The following CUX1 variants were observed in gnomAD, a reference collection of about 807,000 sequenced individuals.
CUX1 encodes cut like homeobox 1, also known as protein CASP.
In CUX1, 31 loss-of-function variants were observed where a neutral mutation model predicts 158.8. That is an observed-to-expected ratio of 0.20 (90% CI 0.15 to 0.26). CUX1 has a LOEUF of 0.26. CUX1 is among the 10% of genes least tolerant of loss of function. CUX1 has a pLI of 1.00. For synonymous variants in CUX1, 879 were observed against 862.1 expected (o/e 1.02, Z -0.34); for missense variants, 1,589 against 2,014.6 (o/e 0.79, Z 4.04).
At chr7:102,112,988 G>T (rs1205731601) in intron 7 of CUX1, among the ~76,000 whole-genome samples, 1 of 152,032 alleles carries the variant, frequency 6.6e-6, no homozygotes, top group East Asian at 1.9e-4. Flanking sequence ...TGACGAGAGT[G>T]GGAGAAAATA....
At position 102,248,541 on chromosome 7, in the gene CUX1, C is replaced by T. The variant is rs13233791; in HGVS notation, c.4017C>T (p.Asp1339=). ...AAPSSEGDSC[D]GVEATEGPGS... is the part of the protein sequence containing the mutation. Reference sequence around the variant, plus strand: ...CCAGCTCGGAGGGCGACAGCTGCGACGGCGTGGAGGCCACTGAGGGCCCAG... The same window carrying T: ...CCAGCTCGGAGGGCGACAGCTGCGATGGCGTGGAGGCCACTGAGGGCCCAG... Residue 1339 remains aspartate, a synonymous_variant, in exon 24 of 24, where the codon GAC becomes GAT. Transcript: ENST00000292535. This position sits in a 1 kb window ranked among gnomAD's most constrained non-coding sequence, Gnocchi z 5.8. 42 of 1,510,308 alleles carry T rather than the reference C, an allele frequency of 2.8e-5. No individual in the cohort carries two copies. Among genetic ancestry groups the T allele is most frequent in the Non-Finnish European group, 3.5e-5 (40 of 1,133,062 alleles). The allele number at this position is 1,510,308 out of a possible 1,614,324, so 93.6% of individuals were successfully genotyped here. A position where few individuals can be genotyped will look rare whatever the true frequency, so the allele number is the denominator to read the frequency against.
chr7:101,938,261 T>A (rs1789199901), intron 2 of CUX1, among the ~76,000 whole-genome samples: 1 of 152,072 alleles, frequency 6.6e-6, no homozygotes, highest in African/African-American at 2.4e-5. Flanking sequence ...CACAGGCGTG[T>A]GCCACCACAC....
At chr7:102,036,790 C>G (rs1821479512) in intron 3 of CUX1, among the ~76,000 whole-genome samples, 1 of 151,318 alleles carries the variant, frequency 6.6e-6, no homozygotes, top group Non-Finnish European at 1.5e-5. Context: ...CGGAATCTGG[C>G]CTATGCATAT....
intron 18 of CUX1, among the ~76,000 whole-genome samples, chr7:102,202,447 G>A (rs1306993920): frequency 2.0e-5 from 3 of 152,052 alleles, no homozygotes; most frequent in Non-Finnish European, 4.4e-5. Context: ...CTGCCCTTTC[G>A]ACCCCTCACT....
intron 2 of CUX1, among the ~76,000 whole-genome samples, chr7:102,009,429 G>A (rs1817744251): frequency 1.3e-5 from 2 of 152,304 alleles, no homozygotes; most frequent in Admixed American, 6.5e-5. Context: ...TTCTAAGAAG[G>A]CCAAAGAAAT....
At chr7:102,221,589 G>T (rs1027262927) in intron 20 of CUX1, among the ~76,000 whole-genome samples, 2 of 151,560 alleles carry the variant, frequency 1.3e-5, no homozygotes, top group African/African-American at 4.9e-5. Context: ...GGCAGCTGTT[G>T]TTTGCCTGCT....
At chr7:102,113,458 G>A (rs782335907) in intron 7 of CUX1, among the ~76,000 whole-genome samples, 2 of 151,958 alleles carry the variant, frequency 1.3e-5, no homozygotes, top group Non-Finnish European at 2.9e-5. Context: ...GTTTCGCCAT[G>A]TTGGCCAAGC....
chr7:102,197,157 T>A lies in CUX1; in HGVS notation c.1746T>A (p.Ser582=), dbSNP rs1554518626. ...RIFGHYVLGL[S]QGSVSEILAR... Reference sequence around the variant, plus strand: ...TCGGACATTATGTGTTGGGACTGTCTCAAGGGTCCGTGAGCGAGATTCTGG... The same window carrying A: ...TCGGACATTATGTGTTGGGACTGTCACAAGGGTCCGTGAGCGAGATTCTGG... Residue 582 remains serine (S), a synonymous_variant, in exon 15 of 24, where the codon TCT becomes TCA. Transcript: ENST00000292535. The A allele has an allele frequency of 1.2e-6, 2 of 1,614,210 alleles. No individual in the cohort carries two copies. Among genetic ancestry groups the A allele is most frequent in the Non-Finnish European group, 1.7e-6 (2 of 1,180,036 alleles).
chr7:102,143,511 G>A (rs1292499025), intron 8 of CUX1, among the ~76,000 whole-genome samples: 3 of 151,938 alleles, frequency 2.0e-5, no homozygotes, highest in Non-Finnish European at 4.4e-5. Context: ...GGGCTCAAGC[G>A]ATCCTCCCAC....
chr7:102,128,683 T>C (rs1311239467), intron 8 of CUX1, among the ~76,000 whole-genome samples: 3 of 151,808 alleles, frequency 2.0e-5, no homozygotes, highest in Non-Finnish European at 4.4e-5. Context: ...ACCTTAGTAT[T>C]TTCATAAGTG....
intron 2 of CUX1, among the ~76,000 whole-genome samples, chr7:101,958,940 G>A (rs187069037): frequency 2.3e-5 from 3 of 131,696 alleles, no homozygotes; most frequent in East Asian, 4.8e-4. Flanking sequence ...CTGCAGCCTC[G>A]ACCTCCCTGG....
At position 102,255,385 on chromosome 7, in the gene CUX1, C is replaced by CAA. The variant is rs58082112; in HGVS notation, c.*6355_*6356dup. 71,785 of 748,882 alleles carry CAA rather than the reference C, an allele frequency of 0.096. 184 individuals are homozygous for CAA. Among genetic ancestry groups the CAA allele is most frequent in the Middle Eastern group, 0.13 (187 of 1,484 alleles). 46.4% of individuals were successfully genotyped at this position (748,882 alleles called of 1,614,324 possible). On this transcript the variant is annotated 3_prime_UTR_variant, in exon 24 of 24. Transcript: ENST00000292535. ...GTTGGGCATTGTAGGCGAAAAATCCCAAAAAAAAAAAAAGACAAAAAAAAA... is the reference window on the plus strand; with the variant it reads ...GTTGGGCATTGTAGGCGAAAAATCCCAAAAAAAAAAAAAAAGACAAAAAAAAA...
intron 2 of CUX1, among the ~76,000 whole-genome samples, chr7:101,926,820 G>A (rs1429748803): frequency 6.6e-6 from 1 of 152,106 alleles, no homozygotes; most frequent in East Asian, 1.9e-4. Context: ...GAATTCAGAT[G>A]CACAGAGCAT....
chr7:101,993,023 TTGCCTTTA>T (rs1815353463), intron 2 of CUX1, among the ~76,000 whole-genome samples: 1 of 152,102 alleles, frequency 6.6e-6, no homozygotes, highest in Non-Finnish European at 1.5e-5. Context: ...GGTCCACTCT[TTGCCTTTA>T]TAAAAAGAAG....
chr7:102,113,236 A>T (rs1026958303), intron 7 of CUX1, among the ~76,000 whole-genome samples: 2 of 152,002 alleles, frequency 1.3e-5, no homozygotes, highest in South Asian at 2.1e-4. Flanking sequence ...GCATTTTTTA[A>T]TTATTTATTT....
At chr7:102,076,852 G>A (rs925866248) in intron 4 of CUX1, among the ~76,000 whole-genome samples, 1 of 151,408 alleles carries the variant, frequency 6.6e-6, no homozygotes, top group Non-Finnish European at 1.5e-5. Context: ...TGGGCAACAC[G>A]GTAAAACCCC....
chr7:101,923,772 C>T (rs908897651), intron 2 of CUX1, among the ~76,000 whole-genome samples: 3 of 152,218 alleles, frequency 2.0e-5, no homozygotes, highest in African/African-American at 7.2e-5. Context: ...TTGGCTGCGG[C>T]GGCAGCCCTG....
chr7:102,108,657 A>G (rs1377905455), intron 6 of CUX1, among the ~76,000 whole-genome samples: 1 of 152,076 alleles, frequency 6.6e-6, no homozygotes, highest in Non-Finnish European at 1.5e-5. Flanking sequence ...CAAATTAGGT[A>G]AAGGGATTAG....
At chr7:101,934,674 C>G (rs1023657150) in intron 2 of CUX1, among the ~76,000 whole-genome samples, 3 of 152,134 alleles carry the variant, frequency 2.0e-5, no homozygotes, top group Non-Finnish European at 4.4e-5. Flanking sequence ...CTTCCTCCTT[C>G]CCAGTTTCTG....
Sources: gnomAD v4.1 joint callset for allele counts (sites outside exome capture counted in the v4.1 genomes callset) on GRCh38, gnomAD v4.1.1 for gene constraint, Gnocchi (gnomAD v3.1) non-coding constraint, MANE v1.5 for transcripts, NCBI Gene and HGNC (gene_info 2026-07-23, HGNC 2026-07-21) for gene names.